GABRG1: variants seen among roughly 807,000 people sequenced by gnomAD.
The protein encoded by GABRG1 is gamma-aminobutyric acid receptor subunit gamma-1.
In GABRG1, 49 loss-of-function variants were observed where a neutral mutation model predicts 49.8. That is an observed-to-expected ratio of 0.98 (90% CI 0.78 to 1.25). The LOEUF is 1.25. GABRG1 is among the 50% of genes most tolerant of loss of function. The pLI is 0.00. For synonymous variants in GABRG1, 232 were observed against 185.1 expected (o/e 1.25, Z -2.06); for missense variants, 552 against 552.3 (o/e 1.00, Z 0.01).
intron 3 of GABRG1, among the ~76,000 whole-genome samples, chr4:46,083,040 A>G (rs756879267): frequency 3.3e-5 from 5 of 151,654 alleles, no homozygotes; most frequent in Non-Finnish European, 5.9e-5. Flanking sequence ...ATGCTGCTGG[A>G]CCATTCCTGC....
rs960080575 is a variant in GABRG1 at position 46,123,162 on chromosome 4, T to C, written c.104+648A>G. On this transcript the variant is annotated intron_variant, in intron 1 of 8. Transcript: ENST00000295452. ...CACACACAGAGCCAAGACATTCATG[T>C]GGCCACACATTTTTAATTACTGATG... Among the ~76,000 whole-genome samples the C allele has an allele frequency of 4.0e-5, 6 of 150,114 alleles. No homozygotes were observed. The East Asian group carries it at 9.8e-4, about 25-fold the overall frequency.
At chr4:46,052,326 C>G (rs1435594451) in intron 7 of GABRG1, among the ~76,000 whole-genome samples, 1 of 151,812 alleles carries the variant, frequency 6.6e-6, no homozygotes, top group South Asian at 2.1e-4. Flanking sequence ...TTCCACCATA[C>G]ATATACAGTC....
chr4:46,046,171 C>A (rs1029385767), intron 8 of GABRG1, among the ~76,000 whole-genome samples: 20 of 152,054 alleles, frequency 1.3e-4, no homozygotes, highest in African/African-American at 4.1e-4. Context: ...CCATGCTCCA[C>A]TATTACTGTT....
chr4:46,065,571 TCTATTGTATATTC>T lies in GABRG1; in HGVS notation c.322_334del (p.Glu108IlefsTer2). 1 of 1,448,476 alleles carries T rather than the reference TCTATTGTATATTC, an allele frequency of 6.9e-7. No homozygotes were observed. Among genetic ancestry groups the T allele is most frequent in the Non-Finnish European group, 9.7e-7 (1 of 1,032,050 alleles). 89.7% of individuals were successfully genotyped at this position (1,448,476 alleles called of 1,614,324 possible). On this transcript the variant is annotated frameshift_variant and splice_region_variant, in exon 4 of 9. Coordinates refer to ENST00000295452, the MANE Select transcript of GABRG1 (RefSeq NM_173536.4). LOFTEE classifies it high-confidence loss of function. ...AAACCAGGTTTGGGCAAAAATTATA[TCTATTGTATATTC>T]CTAAAATATAAGAAGAGTAACAACA...
chr4:46,109,819 G>T (rs1720664363), intron 1 of GABRG1, among the ~76,000 whole-genome samples: 1 of 150,992 alleles, frequency 6.6e-6, no homozygotes, highest in Non-Finnish European at 1.5e-5. Context: ...TAATTGTATG[G>T]TTCCAAGAGA....
At chr4:46,116,600 G>C (rs954189604) in intron 1 of GABRG1, among the ~76,000 whole-genome samples, 2 of 150,762 alleles carry the variant, frequency 1.3e-5, no homozygotes, top group African/African-American at 4.8e-5. Flanking sequence ...ATTTTTCTAA[G>C]CCTTGGGATC....
chr4:46,036,062 T>C lies in GABRG1; in HGVS notation c.*4926A>G, dbSNP rs1717509249. On this transcript the variant is annotated 3_prime_UTR_variant, in exon 9 of 9. Coordinates refer to ENST00000295452, the MANE Select transcript of GABRG1 (RefSeq NM_173536.4). Reference sequence around the variant, plus strand: ...GGTAAATCATGTCTCAAAAGTCTTCTAATTAGCCCTTTTTGCTTAGCTGCA... The same window carrying C: ...GGTAAATCATGTCTCAAAAGTCTTCCAATTAGCCCTTTTTGCTTAGCTGCA... 1 of 152,012 alleles carries C rather than the reference T, an allele frequency of 6.6e-6. No individual in the cohort carries two copies. 9.4% of individuals were successfully genotyped at this position (152,012 alleles called of 1,614,324 possible).
At position 46,117,596 on chromosome 4, in the gene GABRG1, C is replaced by G. The variant is rs868041950; in HGVS notation, c.104+6214G>C. Among the ~76,000 whole-genome samples the G allele has an allele frequency of 1.4e-4, 16 of 116,904 alleles. No individual in the cohort carries two copies. In the South Asian group the frequency reaches 1.8e-3, roughly 13 times the overall value. 76.7% of individuals were successfully genotyped at this position (116,904 alleles called of 152,430 possible). On this transcript the variant is annotated intron_variant, in intron 1 of 8. Coordinates refer to ENST00000295452, the MANE Select transcript of GABRG1 (RefSeq NM_173536.4). Reference sequence around the variant, plus strand: ...TCTCTCTCTCTGTCTCTCTTTGTCTCTCTCTCTCTCTCTCTCTATATATAT... The same window carrying G: ...TCTCTCTCTCTGTCTCTCTTTGTCTGTCTCTCTCTCTCTCTCTATATATAT...
intron 7 of GABRG1, among the ~76,000 whole-genome samples, chr4:46,052,026 A>G (rs1362068779): frequency 6.6e-6 from 1 of 151,858 alleles, no homozygotes; most frequent in East Asian, 1.9e-4. Flanking sequence ...TAGGCAACAT[A>G]CAATATCCTA....
At chr4:46,070,680 CAT>C (rs1297673504) in intron 3 of GABRG1, among the ~76,000 whole-genome samples, 2 of 152,024 alleles carry the variant, frequency 1.3e-5, no homozygotes, top group South Asian at 2.1e-4. Context: ...AGAGTTGAAT[CAT>C]GTGATATTGT....
intron 2 of GABRG1, among the ~76,000 whole-genome samples, chr4:46,085,062 A>G (rs1041277891): frequency 4.0e-5 from 6 of 151,592 alleles, no homozygotes; most frequent in African/African-American, 1.4e-4. Context: ...GGTATAAACA[A>G]TATACCATTC....
At chr4:46,102,242 C>A (rs1323945512) in intron 1 of GABRG1, among the ~76,000 whole-genome samples, 1 of 151,592 alleles carries the variant, frequency 6.6e-6, no homozygotes, top group Non-Finnish European at 1.5e-5. Context: ...TAGCTGCCTG[C>A]CAGTACTAAG....
chr4:46,053,522 T>C (rs890469120), intron 7 of GABRG1, among the ~76,000 whole-genome samples: 6 of 151,980 alleles, frequency 3.9e-5, no homozygotes, highest in African/African-American at 7.2e-5. Flanking sequence ...GGCTTTGTTA[T>C]GGTAAAGGCT....
At chr4:46,068,406 C>G (rs1008795694) in intron 3 of GABRG1, among the ~76,000 whole-genome samples, 7 of 152,066 alleles carry the variant, frequency 4.6e-5, no homozygotes, top group African/African-American at 1.2e-4. Context: ...GCTGGGATTT[C>G]CAAAGCAGCT....
intron 1 of GABRG1, among the ~76,000 whole-genome samples, chr4:46,114,331 G>A (rs902586176): frequency 6.6e-6 from 1 of 151,006 alleles, no homozygotes; most frequent in African/African-American, 2.4e-5. Flanking sequence ...GGAAACTACA[G>A]TGGAACCTAT....
intron 1 of GABRG1, among the ~76,000 whole-genome samples, chr4:46,108,625 A>ATT: frequency 6.7e-6 from 1 of 148,268 alleles, no homozygotes; most frequent in African/African-American, 2.5e-5. Context: ...TGAGCGTGGG[A>ATT]TTTTTTTTTT....
Position 46,064,473 on chromosome 4 carries a change from T to C in GABRG1, c.593A>G (p.Asp198Gly). The C allele has an allele frequency of 6.5e-7, 1 of 1,542,508 alleles. No homozygotes were observed. The highest frequency in any genetic ancestry group is 8.7e-7 in the Non-Finnish European group (1 of 1,146,542). Residue 198 changes from aspartate (D) to glycine (G), a missense_variant, in exon 5 of 9, where the codon GAT (aspartate) becomes GGT (glycine). By Grantham distance (94) the Asp-to-Gly change is moderately conservative. Coordinates refer to ENST00000295452, the MANE Select transcript of GABRG1 (RefSeq NM_173536.4). ...CYLQLHNFPMDEHSCPLEFSS... is the reference protein window; with the variant it reads ...CYLQLHNFPMGEHSCPLEFSS... ...AAATTCCAGTGGACAGGAATGTTCA[T>C]CCATGGGAAAGTTATGAAGCTGAAG...
At chr4:46,116,831 A>G (rs965156307) in intron 1 of GABRG1, among the ~76,000 whole-genome samples, 1 of 150,890 alleles carries the variant, frequency 6.6e-6, no homozygotes, top group Non-Finnish European at 1.5e-5. Flanking sequence ...AGTTTATAAA[A>G]TACAGGCATC....
At chr4:46,096,775 C>A (rs1430137358) in intron 2 of GABRG1, among the ~76,000 whole-genome samples, 1 of 151,512 alleles carries the variant, frequency 6.6e-6, no homozygotes, top group Non-Finnish European at 1.5e-5. Context: ...ATATCAGGAA[C>A]AATTTGAGAT....
Sources: allele counts gnomAD v4.1 joint callset (sites outside exome capture counted in the v4.1 genomes callset), GRCh38; gene constraint gnomAD v4.1.1; transcripts MANE v1.5; gene names NCBI Gene and HGNC (gene_info 2026-07-23, HGNC 2026-07-21).